Variants in WWOX observed in about 807,000 individuals in gnomAD.
WWOX encodes WW domain-containing oxidoreductase.
A neutral mutation model predicts 46.2 loss-of-function variants in WWOX; 69 were observed. The observed-to-expected ratio is 1.49, with a 90% CI of 1.23 to 1.82. The LOEUF (loss-of-function observed/expected upper bound fraction) is 1.82, where lower values mean the gene tolerates loss of function less well. Ranked by LOEUF, WWOX falls within the 40% of genes most tolerant of loss-of-function variation. The probability of loss-of-function intolerance (pLI) is 0.00; values close to 1 mark genes in which losing one functional copy is unlikely to be tolerated. For missense variants in WWOX, 919 were observed against 542.6 expected (o/e 1.69, Z -6.89); for synonymous variants, 359 against 202.6 (o/e 1.77, Z -6.56).
intron 8 of WWOX, among the ~76,000 whole-genome samples, chr16:78,982,768 A>G (rs2046708536): frequency 6.6e-6 from 1 of 152,226 alleles, no homozygotes; most frequent in South Asian, 2.1e-4. Context: ...GCATTAATAA[A>G]TAGTGATTAC....
chr16:78,609,972 C>T (rs754394661), intron 8 of WWOX, among the ~76,000 whole-genome samples: 4 of 149,794 alleles, frequency 2.7e-5, no homozygotes, highest in Admixed American at 2.7e-4. Context: ...CCACCCCCAC[C>T]CCCCTTTAAG....
chr16:78,378,303 A>T (rs1445532564), intron 5 of WWOX, among the ~76,000 whole-genome samples: 1 of 152,128 alleles, frequency 6.6e-6, no homozygotes, highest in Non-Finnish European at 1.5e-5. Flanking sequence ...TATCAGAAAG[A>T]ACATTTATGA....
chr16:78,293,837 G>A (rs949908740), intron 5 of WWOX, among the ~76,000 whole-genome samples: 1 of 151,786 alleles, frequency 6.6e-6, no homozygotes, highest in African/African-American at 2.4e-5. Flanking sequence ...TTAGCCAGGT[G>A]TGTTGTCACG....
intron 8 of WWOX, among the ~76,000 whole-genome samples, chr16:78,540,342 T>C (rs1053398564): frequency 7.9e-5 from 12 of 152,086 alleles, no homozygotes; most frequent in Non-Finnish European, 1.5e-4. Flanking sequence ...TTCTGAGCTT[T>C]GGTTCTACAC....
At chr16:78,863,730 A>C (rs2043942980) in intron 8 of WWOX, among the ~76,000 whole-genome samples, 1 of 152,238 alleles carries the variant, frequency 6.6e-6, no homozygotes, top group Non-Finnish European at 1.5e-5. Flanking sequence ...ACAAATGAAT[A>C]AATTAATGGG....
chr16:79,084,107 G>A (rs76431033), intron 8 of WWOX, among the ~76,000 whole-genome samples: 1 of 152,084 alleles, frequency 6.6e-6, no homozygotes, highest in East Asian at 1.9e-4. Flanking sequence ...AGAAACCAGG[G>A]AGAAACAGGA....
intron 8 of WWOX, among the ~76,000 whole-genome samples, chr16:78,502,142 G>A (rs1474205350): frequency 6.6e-6 from 1 of 152,134 alleles, no homozygotes; most frequent in Non-Finnish European, 1.5e-5. Context: ...GGGCCTATCT[G>A]CCCTTAGCCC....
chr16:78,470,642 G>T (rs760640814), intron 8 of WWOX, among the ~76,000 whole-genome samples: 3 of 152,156 alleles, frequency 2.0e-5, no homozygotes, highest in African/African-American at 4.8e-5. Context: ...CCATTCTCCT[G>T]CCTCAGCCTC....
intron 8 of WWOX, among the ~76,000 whole-genome samples, chr16:78,452,725 C>A (rs893421981): frequency 1.3e-5 from 2 of 151,742 alleles, no homozygotes; most frequent in Admixed American, 6.6e-5. Context: ...GATCGGCCTG[C>A]CTTGGCCTCC....
chr16:78,422,848 C>G (rs770952773), intron 6 of WWOX, among the ~76,000 whole-genome samples: 4 of 70,516 alleles, frequency 5.7e-5, no homozygotes, highest in Non-Finnish European at 1.0e-4. Flanking sequence ...TACATATACA[C>G]ACACACACAC....
intron 8 of WWOX, among the ~76,000 whole-genome samples, chr16:79,165,485 G>T (rs1335944096): frequency 6.6e-6 from 1 of 152,182 alleles, no homozygotes; most frequent in African/African-American, 2.4e-5. Flanking sequence ...TAGAATCAGA[G>T]CAAATTCAGC....
rs1287961330 is a variant in WWOX, at chr16:78,349,730, T to C, written c.517-37130T>C. Reference sequence around the variant, plus strand: ...ATTGTTTCAGTGATTGAAATTATGCTTGGAGTGCAGGTGTCACCGATGAAA... The same window carrying C: ...ATTGTTTCAGTGATTGAAATTATGCCTGGAGTGCAGGTGTCACCGATGAAA... On this transcript the variant is annotated intron_variant, in intron 5 of 8. Coordinates refer to ENST00000566780, the MANE Select transcript of WWOX (RefSeq NM_016373.4). 7.5e-5 allele frequency among the ~76,000 whole-genome samples: 9 copies of C among 120,774 alleles called. 1 individual carries two copies. The highest frequency in any genetic ancestry group is 2.5e-4 in the African/African-American group (9 of 35,602). The allele number at this position is 120,774 out of a possible 152,430, so 79.2% of individuals were successfully genotyped here. A position where few individuals can be genotyped will look rare whatever the true frequency, so the allele number is the denominator to read the frequency against.
Position 78,806,260 on chromosome 16 carries a change from A to G in WWOX, c.1056+373508A>G, listed in dbSNP as rs1245186368. Among the ~76,000 whole-genome samples the G allele has an allele frequency of 5.3e-5, 8 of 152,212 alleles. No homozygotes were observed. In the East Asian group the frequency reaches 9.7e-4, roughly 18 times the overall value. On this transcript the variant is annotated intron_variant, in intron 8 of 8. Transcript: ENST00000566780. ...TTTCATGAGAACCCATTTTCTGGCC[A>G]TTTGGATATCATTGATGAGGGAATT...
At chr16:78,675,677 A>T (rs2047580018) in intron 8 of WWOX, among the ~76,000 whole-genome samples, 2 of 152,166 alleles carry the variant, frequency 1.3e-5, no homozygotes, top group Admixed American at 1.3e-4. Context: ...TTAAATTTTT[A>T]AAAACATGAC....
intron 8 of WWOX, among the ~76,000 whole-genome samples, chr16:78,838,484 C>T (rs2052050928): frequency 6.6e-6 from 1 of 152,054 alleles, no homozygotes; most frequent in South Asian, 2.1e-4. Context: ...AAAGCCAATC[C>T]CAAAAGATTA....
Position 78,143,367 on chromosome 16 carries a change from C to G in WWOX, c.410-20816C>G, listed in dbSNP as rs151147503. On this transcript the variant is annotated intron_variant, in intron 4 of 8. Transcript: ENST00000566780. ...CACGTCTTTAGTTCTTGTTTTGCTT[C>G]AGGTCAGTTTAGAACCGAATGTTAA... Among the ~76,000 whole-genome samples the G allele has an allele frequency of 2.6e-3, 394 of 152,276 alleles. 4 individuals carry two copies. Among genetic ancestry groups the G allele is most frequent in the African/African-American group, 9.2e-3 (384 of 41,558 alleles).
chr16:78,619,977 A>G (rs573458388), intron 8 of WWOX, among the ~76,000 whole-genome samples: 2 of 152,310 alleles, frequency 1.3e-5, no homozygotes, highest in South Asian at 2.1e-4. Flanking sequence ...TTCCTGTAGC[A>G]TGTGCACTAC....
At chr16:78,531,537 G>C (rs902950318) in intron 8 of WWOX, among the ~76,000 whole-genome samples, 1 of 152,108 alleles carries the variant, frequency 6.6e-6, no homozygotes, top group Non-Finnish European at 1.5e-5. Context: ...AAGTTGGATA[G>C]TTAGAATGAG....
intron 5 of WWOX, among the ~76,000 whole-genome samples, chr16:78,370,368 C>G (rs62035782): frequency 0.058 from 8,860 of 151,954 alleles, 348 homozygotes; most frequent in Middle Eastern, 0.11. Context: ...ATAGTAAGTA[C>G]TGTGTAAGAA....
Sources: gnomAD v4.1 joint callset for allele counts (sites outside exome capture counted in the v4.1 genomes callset) on GRCh38, gnomAD v4.1.1 for gene constraint, MANE v1.5 for transcripts, NCBI Gene and HGNC (gene_info 2026-07-23, HGNC 2026-07-21) for gene names.